Variants in CASD1 observed in about 807,000 individuals in gnomAD.
CASD1 encodes the protein CAS1 domain sialic acid O acetyltransferase 1.
CASD1 carries 41 observed loss-of-function variants against 100.0 expected under a neutral mutation model. The observed-to-expected ratio is 0.41, with a 90% confidence interval of 0.32 to 0.53. CASD1 has a LOEUF of 0.53. Among genes scored for constraint, CASD1 ranks in the 20% least tolerant of loss-of-function variants. The probability of loss-of-function intolerance (pLI) is 0.25; values close to 1 mark genes in which losing one functional copy is unlikely to be tolerated. For missense variants in CASD1, 774 were observed against 948.7 expected (o/e 0.82, Z 2.42); for synonymous variants, 321 against 315.6 (o/e 1.02, Z -0.18).
chr7:94,585,570 TA>T, the CASD1 span: 1 of 1,270,874 alleles, frequency 7.9e-7, no homozygotes, highest in Non-Finnish European at 1.2e-6. Flanking sequence ...TGGATACTTT[TA>T]GATTTTGAGC....
chr7:94,540,612 AG>A (rs1424186059), intron 10 of CASD1, among the ~76,000 whole-genome samples: 1 of 152,160 alleles, frequency 6.6e-6, no homozygotes, highest in Non-Finnish European at 1.5e-5. Context: ...ACGGGAAGCT[AG>A]TGAATTTGAG....
the CASD1 span, among the ~76,000 whole-genome samples, chr7:94,612,029 C>T: frequency 6.6e-6 from 1 of 152,242 alleles, no homozygotes; most frequent in South Asian, 2.1e-4. Context: ...GCCTTGCATA[C>T]ATTCAGTTTC....
In CASD1 at chr7:94,510,062, A is replaced by C; in HGVS notation, c.-23A>C. 6.7e-7 allele frequency: 1 copy of C among 1,493,116 alleles called. No homozygotes were observed. The highest frequency in any genetic ancestry group is 9.0e-7 in the Non-Finnish European group (1 of 1,116,508). 92.5% of individuals were successfully genotyped at this position (1,493,116 alleles called of 1,614,324 possible). A position where few individuals can be genotyped will look rare whatever the true frequency, so the allele number is the denominator to read the frequency against. ...GCGCCCCTTTCCCGCTCCGCCGCGC[A>C]CTGTTGTCATGGAGGAACCAAGATG... is the stretch of plus-strand genomic sequence containing the variant. On this transcript the variant is annotated 5_prime_UTR_variant, in exon 1 of 18. Coordinates refer to ENST00000297273, the MANE Select transcript of CASD1 (RefSeq NM_022900.5).
the CASD1 span, chr7:94,626,324 TCTTA>T: frequency 6.6e-6 from 1 of 152,080 alleles, no homozygotes; most frequent in African/African-American, 2.4e-5. Flanking sequence ...AATATTTAGG[TCTTA>T]CTTAACAAAT....
chr7:94,604,347 T>C, the CASD1 span, among the ~76,000 whole-genome samples: 1 of 152,000 alleles, frequency 6.6e-6, no homozygotes, highest in African/African-American at 2.4e-5. Flanking sequence ...CTAGCTGCCT[T>C]CTTTGCAGAA....
the CASD1 span, among the ~76,000 whole-genome samples, chr7:94,574,998 T>C: frequency 6.6e-6 from 1 of 151,904 alleles, no homozygotes; most frequent in East Asian, 1.9e-4. Context: ...AACACCCCAA[T>C]TCCTGGATTT....
chr7:94,581,945 C>T, the CASD1 span, among the ~76,000 whole-genome samples: 1 of 152,156 alleles, frequency 6.6e-6, no homozygotes, highest in East Asian at 1.9e-4. Context: ...TTTGAGGAAC[C>T]ACCACAGTGT....
At chr7:94,571,632 C>A in the CASD1 span, among the ~76,000 whole-genome samples, 2 of 152,070 alleles carry the variant, frequency 1.3e-5, no homozygotes, top group Non-Finnish European at 2.9e-5. Context: ...ACAGAACTCA[C>A]AAATGGTAAA....
chr7:94,513,319 G>A, intron 1 of CASD1, among the ~76,000 whole-genome samples: 1 of 144,546 alleles, frequency 6.9e-6, no homozygotes, highest in Admixed American at 6.9e-5. Context: ...CAACTTTATT[G>A]TACCAGCTAA....
the CASD1 span, among the ~76,000 whole-genome samples, chr7:94,579,218 TAAA>T: frequency 2.2e-5 from 3 of 136,008 alleles, no homozygotes; most frequent in Non-Finnish European, 3.2e-5. Flanking sequence ...TTTTAAATGT[TAAA>T]AAAAAAAAAA....
At chr7:94,552,994 G>T (rs918769012) in intron 16 of CASD1, among the ~76,000 whole-genome samples, 3 of 152,150 alleles carry the variant, frequency 2.0e-5, no homozygotes, top group Non-Finnish European at 4.4e-5. Flanking sequence ...GCCAAGGGCT[G>T]CAGTGGTTAC....
chr7:94,537,457 T>C lies in CASD1; in HGVS notation c.844-15T>C. 6.3e-7 allele frequency: 1 copy of C among 1,580,896 alleles called. No individual in the cohort carries two copies. Among genetic ancestry groups the C allele is most frequent in the African/African-American group, 1.4e-5 (1 of 73,316 alleles). On this transcript the variant is annotated splice_polypyrimidine_tract_variant and intron_variant, in intron 8 of 17. Coordinates refer to ENST00000297273, the MANE Select transcript of CASD1 (RefSeq NM_022900.5). ...ACTGACAAGATAATAACCAAATAACTTGATTTGTTCACAGACTGCAATGAT... is the reference window on the plus strand; with the variant it reads ...ACTGACAAGATAATAACCAAATAACCTGATTTGTTCACAGACTGCAATGAT...
intron 17 of CASD1, 58 bp from the exon 18 acceptor site, chr7:94,555,434 A>C: frequency 6.6e-7 from 1 of 1,506,490 alleles, no homozygotes; most frequent in Non-Finnish European, 9.0e-7. Context: ...ATTAGGGAAA[A>C]CTGTAATTTA....
At chr7:94,623,197 T>C in the CASD1 span, 12 of 592,962 alleles carry the variant, frequency 2.0e-5, no homozygotes, top group East Asian at 1.4e-4. Flanking sequence ...CTTTTCTATA[T>C]CTTATTATTT....
chr7:94,613,576 A>G, the CASD1 span, among the ~76,000 whole-genome samples: 1 of 152,166 alleles, frequency 6.6e-6, no homozygotes, highest in Non-Finnish European at 1.5e-5. Flanking sequence ...TATCCCAACA[A>G]TTCAATTTCT....
chr7:94,594,272 T>C, the CASD1 span, among the ~76,000 whole-genome samples: 1 of 152,158 alleles, frequency 6.6e-6, no homozygotes, highest in Non-Finnish European at 1.5e-5. Flanking sequence ...TACAATGTGA[T>C]TTCCAGGAAT....
At chr7:94,631,148 T>TGTACTA in the CASD1 span, among the ~76,000 whole-genome samples, 18,939 of 151,824 alleles carry the variant, frequency 0.12, 1,385 homozygotes, top group South Asian at 0.24. Flanking sequence ...TGATTTGTTT[T>TGTACTA]GTACTAGTAT....
the CASD1 span, chr7:94,628,524 TA>T: frequency 3.6e-5 from 21 of 577,624 alleles, no homozygotes; most frequent in East Asian, 1.7e-4. Context: ...GGCACCACGT[TA>T]AAAAAAATCC....
At position 94,556,866 on chromosome 7, in the gene CASD1, C is replaced by T. The variant is rs953265078; in HGVS notation, c.*1108C>T. On this transcript the variant is annotated 3_prime_UTR_variant, in exon 18 of 18. Coordinates refer to ENST00000297273, the MANE Select transcript of CASD1 (RefSeq NM_022900.5). ...TGATTTTAATGTTTGAAAGATTGCA[C>T]TTGTTTGCTTTTACTATATGTGGGG... 2 of 151,826 alleles carry T rather than the reference C, an allele frequency of 1.3e-5. No individual in the cohort carries two copies. Among genetic ancestry groups the T allele is most frequent in the African/African-American group, 2.4e-5 (1 of 41,352 alleles). 9.4% of individuals were successfully genotyped at this position (151,826 alleles called of 1,614,324 possible).
Sources: allele counts gnomAD v4.1 joint callset (sites outside exome capture counted in the v4.1 genomes callset), GRCh38; gene constraint gnomAD v4.1.1; transcripts MANE v1.5; gene names NCBI Gene and HGNC (gene_info 2026-07-23, HGNC 2026-07-21).